Variants in FRMD6 observed in about 807,000 individuals in gnomAD.
The protein encoded by FRMD6 is FERM domain-containing protein 6.
FRMD6 carries 37 observed loss-of-function variants against 73.2 expected under a neutral mutation model. That is an observed-to-expected ratio of 0.51 (90% CI 0.39 to 0.66). The LOEUF (loss-of-function observed/expected upper bound fraction) is 0.66, where lower values mean the gene tolerates loss of function less well. Ranked by LOEUF, FRMD6 falls within the 30% of genes least tolerant of loss-of-function variation. The pLI is 0.00. For missense variants in FRMD6, 714 were observed against 780.5 expected (o/e 0.91, Z 1.02); for synonymous variants, 273 against 282.2 (o/e 0.97, Z 0.33).
At chr14:51,704,980 T>C in intron 6 of FRMD6, 45 bp downstream of exon 6, 1 of 1,547,470 alleles carries the variant, frequency 6.5e-7, no homozygotes, top group East Asian at 2.3e-5. Context: ...CTCTCGGGCA[T>C]TTCTAGTTCG....
intron 1 of FRMD6, among the ~76,000 whole-genome samples, chr14:51,674,824 A>T (rs1474429482): frequency 2.0e-5 from 3 of 152,084 alleles, no homozygotes; most frequent in African/African-American, 7.2e-5. Context: ...CCGAACAACC[A>T]GATGATCCAG....
the FRMD6 span, among the ~76,000 whole-genome samples, chr14:51,472,353 G>A: frequency 0.016 from 2,381 of 152,130 alleles, 36 homozygotes; most frequent in Non-Finnish European, 0.025. Context: ...GCCCAGGCTG[G>A]AGTGCAGTGG....
intron 2 of FRMD6, among the ~76,000 whole-genome samples, chr14:51,634,473 A>C (rs1050361974): frequency 5.3e-5 from 8 of 152,202 alleles, no homozygotes; most frequent in African/African-American, 1.2e-4. Context: ...TGTTAAGATG[A>C]AGGCTTTGAT....
At chr14:51,721,752 A>ATGG (rs1566598502) in intron 11 of FRMD6, among the ~76,000 whole-genome samples, 197 bp from the exon 12 acceptor site, 1 of 106,554 alleles carries the variant, frequency 9.4e-6, no homozygotes, top group Non-Finnish European at 2.0e-5. Flanking sequence ...GGAAGGGAGG[A>ATGG]AGGAAGGAGG....
At chr14:51,698,059 C>G in intron 2 of FRMD6, 83 bp from the exon 3 acceptor site, 3 of 869,602 alleles carry the variant, frequency 3.4e-6, no homozygotes, top group East Asian at 2.5e-5. Flanking sequence ...AATATATTTA[C>G]GATGCATTAA....
chr14:51,517,851 AGGAAGCTTGAACGGG>A (rs1233957520), intron 1 of FRMD6, among the ~76,000 whole-genome samples: 1 of 143,194 alleles, frequency 7.0e-6, no homozygotes, highest in Non-Finnish European at 1.5e-5. Flanking sequence ...TAGTACTACT[AGGAAGCTTGAACGGG>A]GGTGATGAGT....
rs1594628369 is a variant in FRMD6 at position 51,631,897 on chromosome 14, A to G, written c.-146-57794A>G. Among the ~76,000 whole-genome samples the G allele has an allele frequency of 2.0e-5, 3 of 152,204 alleles. No homozygotes were observed. In the East Asian group the frequency reaches 5.8e-4, roughly 29 times the overall value. On this transcript the variant is annotated intron_variant, in intron 2 of 14. Transcript: ENST00000356218. ...AAATTCTGATTGGTGTCCCTAAGAA[A>G]AGCAGTAATAACATTAGCATAGATC...
chr14:51,417,398 C>T, the FRMD6 span, among the ~76,000 whole-genome samples: 1 of 152,140 alleles, frequency 6.6e-6, no homozygotes, highest in African/African-American at 2.4e-5. Flanking sequence ...TTTTAGTTCT[C>T]CTTCACTTAT....
At chr14:51,419,438 T>C in the FRMD6 span, among the ~76,000 whole-genome samples, 1 of 152,238 alleles carries the variant, frequency 6.6e-6, no homozygotes, top group Non-Finnish European at 1.5e-5. Flanking sequence ...TTAGCCACCA[T>C]GCCCAGCTGC....
rs186013140 is a variant in FRMD6, at chr14:51,670,936, C to T, written c.-146-18755C>T. Among the ~76,000 whole-genome samples, 275 of 152,274 alleles carry T rather than the reference C, an allele frequency of 1.8e-3. 1 individual carries two copies. The highest frequency in any genetic ancestry group is 6.0e-3 in the African/African-American group (250 of 41,554). ...TGGTGGGATTACAGGCGTGGGCCAC[C>T]GTGCCCGGCGGTTTGTATGTTTTAT... On this transcript the variant is annotated intron_variant, in intron 1 of 13. Transcript: ENST00000344768.
At chr14:51,526,862 A>G (rs1251062577) in intron 1 of FRMD6, among the ~76,000 whole-genome samples, 1 of 152,200 alleles carries the variant, frequency 6.6e-6, no homozygotes, top group Non-Finnish European at 1.5e-5. Context: ...TCAGCACCTC[A>G]GTAAAGTCTT....
At chr14:51,570,610 A>G (rs1287746556) in intron 2 of FRMD6, among the ~76,000 whole-genome samples, 4 of 152,234 alleles carry the variant, frequency 2.6e-5, no homozygotes, top group African/African-American at 2.4e-5. Flanking sequence ...GACCAGCAGC[A>G]TCAACACCAT....
chr14:51,588,457 C>T (rs1889182790), intron 2 of FRMD6, among the ~76,000 whole-genome samples: 1 of 152,096 alleles, frequency 6.6e-6, no homozygotes, highest in African/African-American at 2.4e-5. Flanking sequence ...AGGTGTTCTG[C>T]AGGTCTCTAC....
upstream of FRMD6, among the ~76,000 whole-genome samples, chr14:51,649,254 G>T (rs1414911772): frequency 1.3e-5 from 2 of 152,084 alleles, no homozygotes; most frequent in East Asian, 3.8e-4. Flanking sequence ...TTAACTAAGA[G>T]TCTCTGTTTA....
rs755299072 is a variant in FRMD6 at position 51,720,178 on chromosome 14, G to A, written c.1148G>A (p.Arg383His). The A allele has an allele frequency of 8.7e-6, 14 of 1,613,852 alleles. No individual in the cohort carries two copies. The highest frequency in any genetic ancestry group is 8.0e-5 in the African/African-American group (6 of 74,900). The change falls in exon 11 of 14, where the codon CGT becomes CAT. Residue 383 changes from arginine to histidine, a missense_variant. Transcript: ENST00000344768. ...AGCATGAAACACAAGCGCCTGTCCC[G>A]TCATTCCACCGCCAGCCACAGCAGT... ...AGSMKHKRLS[R>H]HSTASHSSSH...
intron 1 of FRMD6, among the ~76,000 whole-genome samples, chr14:51,492,323 T>C (rs1883057220): frequency 6.6e-6 from 1 of 152,176 alleles, no homozygotes; most frequent in Admixed American, 6.5e-5. Context: ...AGTCTTGTGA[T>C]AGCTCATTCC....
intron 1 of FRMD6, among the ~76,000 whole-genome samples, chr14:51,535,142 T>C (rs1448020269): frequency 6.6e-6 from 1 of 152,192 alleles, no homozygotes; most frequent in Non-Finnish European, 1.5e-5. Context: ...CTCAGTACTC[T>C]CATGGCTTCC....
At chr14:51,509,919 C>G (rs897158137) in intron 1 of FRMD6, among the ~76,000 whole-genome samples, 1 of 152,180 alleles carries the variant, frequency 6.6e-6, no homozygotes, top group Admixed American at 6.5e-5. Context: ...AGCCACTGCC[C>G]TGCGCGTACG....
intron 1 of FRMD6, among the ~76,000 whole-genome samples, chr14:51,526,373 T>G (rs1424904623): frequency 1.3e-5 from 2 of 152,172 alleles, no homozygotes; most frequent in East Asian, 3.8e-4. Flanking sequence ...GATACCCACT[T>G]CATGAGCAAG....
Sources: gnomAD v4.1 joint callset for allele counts (sites outside exome capture counted in the v4.1 genomes callset) on GRCh38, gnomAD v4.1.1 for gene constraint, MANE v1.5 for transcripts, NCBI Gene and HGNC (gene_info 2026-07-23, HGNC 2026-07-21) for gene names.